Variants in CYP4A11 observed in about 807,000 individuals in gnomAD.
CYP4A11 encodes cytochrome P450 family 4 subfamily A member 11.
In CYP4A11, 52 loss-of-function variants were observed where a neutral mutation model predicts 57.7. That is an observed-to-expected ratio of 0.90 (90% CI 0.72 to 1.14). CYP4A11 has a LOEUF of 1.14. CYP4A11 is among the 50% of genes most tolerant of loss of function. CYP4A11 has a pLI of 0.00. For missense variants in CYP4A11, 641 were observed against 642.1 expected, an observed-to-expected ratio of 1.00 and a Z score of 0.02; for synonymous variants, 228 against 247.1, an observed-to-expected ratio of 0.92 and a Z score of 0.72.
At chr1:46,931,417 C>T (rs4660979) in intron 11 of CYP4A11, 76,895 of 554,116 alleles carry the variant, frequency 0.14, 5,729 homozygotes, top group South Asian at 0.28. Flanking sequence ...GTGTCTGGAG[C>T]ACAGGATATA....
intron 11 of CYP4A11, 143 bp from the exon 12 acceptor site, chr1:46,930,453 T>C (rs9333031): frequency 0.067 from 61,225 of 916,782 alleles, 3,139 homozygotes; most frequent in East Asian, 0.21. Context: ...ATACAGCCCA[T>C]GGACACTTCT....
chr1:46,938,079 G>T lies in CYP4A11; in HGVS notation c.254C>A (p.Ala85Asp), dbSNP rs1225647908. Residue 85 changes from alanine (A) to aspartate (D), a missense_variant, in exon 2 of 12, where the codon GCC (alanine) becomes GAC (aspartate). By Grantham distance (126) the Ala-to-Asp change is moderately radical (BLOSUM62 -2). Coordinates refer to ENST00000310638, the MANE Select transcript of CYP4A11 (RefSeq NM_000778.4). ...GCCTCCCCATAGCCAATGAGGACAG[G>T]CACTTGGGAATGTCTCCACCCATTT... ...IQKWVETFPS[A>D]CPHWLWGGKV... 11 of 1,614,216 alleles carry T rather than the reference G, an allele frequency of 6.8e-6. No individual in the cohort carries two copies. The highest frequency in any genetic ancestry group is 9.3e-6 in the Non-Finnish European group (11 of 1,180,034).
In CYP4A11 at chr1:46,933,301, A is replaced by AGT. The variant is rs553438578; in HGVS notation, c.1223-256_1223-255dup. ...GAGCATTACTCTTTAGAGTAAGTCC[A>AGT]GTGACATTTCACATTCATCAAATAT... On this transcript the variant is annotated intron_variant, in intron 9 of 11. Coordinates refer to ENST00000310638, the MANE Select transcript of CYP4A11 (RefSeq NM_000778.4). Among the ~76,000 whole-genome samples the AGT allele has an allele frequency of 4.3e-3, 662 of 152,376 alleles. 5 individuals are homozygous for AGT. Among genetic ancestry groups the AGT allele is most frequent in the Admixed American group, 9.2e-3 (141 of 15,308 alleles).
chr1:46,935,188 G>C (rs369463370), intron 5 of CYP4A11, 34 bp from the exon 6 acceptor site: 2 of 1,596,930 alleles, frequency 1.3e-6, no homozygotes, highest in Non-Finnish European at 1.7e-6. Flanking sequence ...ACTGCAGTAG[G>C]GGTGGGCCCA....
intron 2 of CYP4A11, among the ~76,000 whole-genome samples, 153 bp downstream of exon 2, chr1:46,937,843 A>T (rs1172051477): frequency 6.6e-6 from 1 of 152,186 alleles, no homozygotes; most frequent in Non-Finnish European, 1.5e-5. Flanking sequence ...ACTATTTTTG[A>T]CTATAGCCTG....
chr1:46,937,449 A>G (rs1478834532), intron 2 of CYP4A11, 103 bp from the exon 3 acceptor site: 16 of 1,243,728 alleles, frequency 1.3e-5, no homozygotes, highest in Middle Eastern at 1.9e-4. Flanking sequence ...AGTTTGACCC[A>G]TGTCACCTCC....
intron 1 of CYP4A11, among the ~76,000 whole-genome samples, chr1:46,939,581 C>T (rs1013407806): frequency 6.6e-6 from 1 of 152,262 alleles, no homozygotes; most frequent in African/African-American, 2.4e-5. Flanking sequence ...CCAGAAGAAT[C>T]CCACACTTAT....
intron 11 of CYP4A11, chr1:46,932,149 AAAATTT>A: frequency 3.0e-6 from 3 of 986,202 alleles, no homozygotes; most frequent in Non-Finnish European, 3.6e-6. Flanking sequence ...TAATGCAGTA[AAAATTT>A]CATTGGGCAA....
At chr1:46,938,235 T>G in intron 1 of CYP4A11, 98 bp from the exon 2 acceptor site, 1 of 1,504,568 alleles carries the variant, frequency 6.6e-7, no homozygotes, top group Non-Finnish European at 9.1e-7. Context: ...GTAGCGCAGG[T>G]TAGGGATTTA....
Position 46,929,874 on chromosome 1 carries a change from G to A in CYP4A11, c.*241C>T. The A allele has an allele frequency of 1.9e-6, 1 of 516,334 alleles. No homozygotes were observed. Among genetic ancestry groups the A allele is most frequent in the Non-Finnish European group, 3.5e-6 (1 of 289,420 alleles). The allele number at this position is 516,334 out of a possible 1,614,324, so 32.0% of individuals were successfully genotyped here. A position where few individuals can be genotyped will look rare whatever the true frequency, so the allele number is the denominator to read the frequency against. On this transcript the variant is annotated 3_prime_UTR_variant, in exon 12 of 12. Transcript: ENST00000310638. ...CTTTTACATTATGTCAGACATGCAA[G>A]CTCGGCCTCAGCTTCTCCCAACACT...
In CYP4A11 at chr1:46,934,152, C is replaced by T. The variant is rs558262856; in HGVS notation, c.1088+24G>A. ...GGCCCCTGTGGAGAAGGCAGGGAAC[C>T]CCATCTTTTGAGCCCTCACTCACCA... On this transcript the variant is annotated intron_variant, in intron 8 of 11. Transcript: ENST00000310638. The T allele has an allele frequency of 1.6e-5, 25 of 1,592,134 alleles. No individual in the cohort carries two copies. The Admixed American group carries it at 3.9e-4, about 25-fold the overall frequency.
At position 46,930,254 on chromosome 1, in the gene CYP4A11, G is replaced by T. The variant is rs749702088; in HGVS notation, c.1421C>A (p.Thr474Asn). The change falls in exon 12 of 12, where the codon ACC becomes AAC. Residue 474 changes from threonine (T) to asparagine (N), a missense_variant. Physicochemically the swap from Thr to Asn is moderately conservative, Grantham distance 65 (BLOSUM62 0). Coordinates refer to ENST00000310638, the MANE Select transcript of CYP4A11 (RefSeq NM_000778.4). ...AGGCAGCAGCTCAAAGCGGAGCAGG[G>T]TCAGGGCCGTGGCCACCTTCAGCTC... ...MNELKVATAL[T>N]LLRFELLPDP... is the part of the protein sequence containing the mutation. 1 of 1,614,088 alleles carries T rather than the reference G, an allele frequency of 6.2e-7. No homozygotes were observed.
chr1:46,932,137 T>C (rs1442591387), intron 11 of CYP4A11: 31 of 981,112 alleles, frequency 3.2e-5, no homozygotes, highest in Non-Finnish European at 3.8e-5. Flanking sequence ...GTGAACACTA[T>C]ATAATGCAGT....
At chr1:46,937,269 G>C (rs1480802152) in intron 3 of CYP4A11, 33 bp downstream of exon 3, 4 of 1,610,244 alleles carry the variant, frequency 2.5e-6, no homozygotes, top group Admixed American at 3.3e-5. Context: ...ACCTGACTAG[G>C]GAGTGGGCTG....
chr1:46,937,200 G>C (rs1681462190), intron 3 of CYP4A11, 102 bp downstream of exon 3: 1 of 1,375,104 alleles, frequency 7.3e-7, no homozygotes, highest in South Asian at 1.3e-5. Flanking sequence ...TTGGGGATAA[G>C]GTCATGATAG....
intron 11 of CYP4A11, chr1:46,931,853 G>A (rs1260720736): frequency 1.1e-5 from 10 of 900,232 alleles, no homozygotes; most frequent in Non-Finnish European, 1.3e-5. Context: ...GTCACAGGAC[G>A]ATTCCTGATG....
At chr1:46,932,901 G>A in intron 10 of CYP4A11, 64 bp from the exon 11 acceptor site, 3 of 1,614,090 alleles carry the variant, frequency 1.9e-6, no homozygotes, top group Non-Finnish European at 2.5e-6. Flanking sequence ...ACCCATGGGG[G>A]ACAGGACTCC....
Position 46,937,288 on chromosome 1 carries a change from G to C in CYP4A11, c.382+14C>G, listed in dbSNP as rs1244016162. ...GACTAGGGAGTGGGCTGCAGTCCTA[G>C]TTTGCACACATACCAATCCATGGAG... On this transcript the variant is annotated intron_variant, in intron 3 of 11. Coordinates refer to ENST00000310638, the MANE Select transcript of CYP4A11 (RefSeq NM_000778.4). The C allele has an allele frequency of 6.2e-7, 1 of 1,613,904 alleles. No homozygotes were observed. Among genetic ancestry groups the C allele is most frequent in the Non-Finnish European group, 8.5e-7 (1 of 1,179,926 alleles).
chr1:46,939,896 G>T (rs1425044473), intron 1 of CYP4A11, among the ~76,000 whole-genome samples: 2 of 145,280 alleles, frequency 1.4e-5, no homozygotes, highest in Non-Finnish European at 3.0e-5. Flanking sequence ...GTCCATATAG[G>T]GTTAGAACTT....
Sources: allele counts gnomAD v4.1 joint callset (sites outside exome capture counted in the v4.1 genomes callset), GRCh38; gene constraint gnomAD v4.1.1; transcripts MANE v1.5; gene names NCBI Gene and HGNC (gene_info 2026-07-23, HGNC 2026-07-21).